Variants in EML6 observed in about 807,000 individuals in gnomAD.
The protein encoded by EML6 is EMAP like 6.
EML6 carries 154 observed loss-of-function variants against 240.1 expected under a neutral mutation model. The observed-to-expected ratio is 0.64, with a 90% confidence interval of 0.56 to 0.73. The LOEUF is 0.73. Ranked by LOEUF, EML6 falls within the 30% of genes least tolerant of loss-of-function variation. The pLI is 0.00. For synonymous variants in EML6, 1,148 were observed against 899.0 expected (o/e 1.28, Z -4.95); for missense variants, 2,964 against 2,474.6 (o/e 1.20, Z -4.20).
intron 28 of EML6, 124 bp downstream of exon 28, chr2:54,928,875 G>GGTGAAGACTCTGTGA: frequency 3.4e-6 from 4 of 1,173,020 alleles, no homozygotes; most frequent in Non-Finnish European, 4.9e-6. Context: ...AATCTTCACA[G>GGTGAAGACTCTGTGA]AGTCTTCACC....
At chr2:54,910,389 AT>A (rs1364957930) in intron 24 of EML6, among the ~76,000 whole-genome samples, 4 of 152,206 alleles carry the variant, frequency 2.6e-5, no homozygotes, top group Admixed American at 6.5e-5. Context: ...TTTGCCCAAC[AT>A]TTTCCTTGGG....
chr2:54,826,292 G>T (rs543509783), intron 5 of EML6, among the ~76,000 whole-genome samples: 1 of 152,214 alleles, frequency 6.6e-6, no homozygotes, highest in South Asian at 2.1e-4. Flanking sequence ...TATAACCTGA[G>T]GGGGGGCTAT....
At chr2:54,950,856 A>G in intron 30 of EML6, 77 bp downstream of exon 30, 1 of 1,427,928 alleles carries the variant, frequency 7.0e-7, no homozygotes, top group Admixed American at 2.3e-5. Context: ...AGATGCCCAA[A>G]AGCTTAAGCA....
At chr2:54,854,606 C>G (rs752896697) in intron 11 of EML6, among the ~76,000 whole-genome samples, 20 of 152,196 alleles carry the variant, frequency 1.3e-4, no homozygotes, top group Non-Finnish European at 2.9e-4. Context: ...AAAACTCTTT[C>G]ACTTGAACAA....
chr2:54,884,270 AG>A (rs1672000712), intron 17 of EML6, among the ~76,000 whole-genome samples: 1 of 152,180 alleles, frequency 6.6e-6, no homozygotes, highest in Admixed American at 6.5e-5. Flanking sequence ...CAAGGCACGT[AG>A]GAAGGGGCAC....
chr2:54,947,765 C>G (rs1470194516), intron 28 of EML6, among the ~76,000 whole-genome samples: 1 of 152,188 alleles, frequency 6.6e-6, no homozygotes, highest in Non-Finnish European at 1.5e-5. Flanking sequence ...TCTCCCTATT[C>G]TGTAGGCGCT....
intron 2 of EML6, among the ~76,000 whole-genome samples, chr2:54,747,757 C>T (rs1683980307): frequency 1.3e-5 from 2 of 151,938 alleles, no homozygotes; most frequent in Admixed American, 1.3e-4. Flanking sequence ...TGATTTCATC[C>T]CATGTTATTT....
At chr2:54,730,187 T>G (rs1223433452) in intron 2 of EML6, among the ~76,000 whole-genome samples, 1 of 152,006 alleles carries the variant, frequency 6.6e-6, no homozygotes, top group Non-Finnish European at 1.5e-5. Context: ...TATCCACAGC[T>G]TTGGAACAAT....
At chr2:54,881,614 A>G (rs971269819) in intron 17 of EML6, 1 of 143,594 alleles carries the variant, frequency 7.0e-6, no homozygotes, top group African/African-American at 2.7e-5. Flanking sequence ...TAGCCACTGC[A>G]CTCCAGCCTG....
At position 54,928,519 on chromosome 2, in the gene EML6, G is replaced by A; in HGVS notation, c.3877+5G>A. 1 of 1,544,044 alleles carries A rather than the reference G, an allele frequency of 6.5e-7. No individual in the cohort carries two copies. The highest frequency in any genetic ancestry group is 8.8e-7 in the Non-Finnish European group (1 of 1,141,998). Reference sequence around the variant, plus strand: ...CCGACGTGGAAGAGGATGGAGGTGAGCCCCCCACCTGCCACATGCCTCCTG... The same window carrying A: ...CCGACGTGGAAGAGGATGGAGGTGAACCCCCCACCTGCCACATGCCTCCTG... On this transcript the variant is annotated splice_donor_5th_base_variant and intron_variant, in intron 27 of 41. Coordinates refer to ENST00000356458, the MANE Select transcript of EML6 (RefSeq NM_001039753.4).
In EML6 at chr2:54,961,186, T is replaced by TGTTTTTTTTTGTTTG. The variant is rs796179489; in HGVS notation, c.4968+852_4968+853insGTTTTTTTTTGTTTG. On this transcript the variant is annotated intron_variant, in intron 35 of 41. Coordinates refer to ENST00000356458, the MANE Select transcript of EML6 (RefSeq NM_001039753.4). The stretch of plus-strand genomic sequence containing the variant: ...AGCCTGGAAGTTATCAGGAAGTAGT[T>TGTTTTTTTTTGTTTG]TTTTTTTTTTTTTTTTTGAGACGGA... Among the ~76,000 whole-genome samples, 3 of 93,166 alleles carry TGTTTTTTTTTGTTTG rather than the reference T, an allele frequency of 3.2e-5. 1 individual carries two copies. The highest frequency in any genetic ancestry group is 6.4e-5 in the Non-Finnish European group (3 of 46,948). The allele number at this position is 93,166 out of a possible 152,430, so 61.1% of individuals were successfully genotyped here.
At chr2:54,888,947 C>T (rs146855635) in intron 17 of EML6, among the ~76,000 whole-genome samples, 2 of 152,274 alleles carry the variant, frequency 1.3e-5, no homozygotes, top group East Asian at 1.9e-4. Flanking sequence ...AACTGTCTTT[C>T]AAAATAGCTG....
intron 21 of EML6, among the ~76,000 whole-genome samples, chr2:54,895,634 T>G (rs996701196): frequency 6.6e-6 from 1 of 152,228 alleles, no homozygotes; most frequent in Non-Finnish European, 1.5e-5. Context: ...ACAGCTTAAC[T>G]GGATCTTCTG....
chr2:54,741,040 C>G (rs981734956), intron 2 of EML6, among the ~76,000 whole-genome samples: 7 of 152,130 alleles, frequency 4.6e-5, no homozygotes, highest in Non-Finnish European at 1.0e-4. Flanking sequence ...TTAAGTTAAA[C>G]AAACGTGTTC....
At chr2:54,890,428 G>A (rs1429442864) in intron 17 of EML6, among the ~76,000 whole-genome samples, 1 of 152,064 alleles carries the variant, frequency 6.6e-6, no homozygotes, top group African/African-American at 2.4e-5. Flanking sequence ...TACAGCCCAG[G>A]TCTACAATGG....
intron 16 of EML6, among the ~76,000 whole-genome samples, chr2:54,874,236 T>C (rs1671394916): frequency 6.6e-6 from 1 of 152,226 alleles, no homozygotes; most frequent in South Asian, 2.1e-4. Context: ...ACATTTCTTC[T>C]GGGCTTATTA....
At chr2:54,813,157 G>C in intron 2 of EML6, 75 bp from the exon 3 acceptor site, 2 of 1,081,098 alleles carry the variant, frequency 1.8e-6, no homozygotes, top group Non-Finnish European at 2.7e-6. Context: ...ATTTAAATGA[G>C]AAACAGATTT....
At chr2:54,757,732 C>G (rs149433873) in intron 2 of EML6, among the ~76,000 whole-genome samples, 1 of 152,226 alleles carries the variant, frequency 6.6e-6, no homozygotes, top group African/African-American at 2.4e-5. Flanking sequence ...GGATATGTAT[C>G]TGCAAGGCCC....
At chr2:54,894,118 A>T (rs1573089845) in intron 19 of EML6, among the ~76,000 whole-genome samples, 1 of 152,108 alleles carries the variant, frequency 6.6e-6, no homozygotes, top group African/African-American at 2.4e-5. Context: ...ATACACTTGG[A>T]AATATTATTT....
Sources: allele counts gnomAD v4.1 joint callset (sites outside exome capture counted in the v4.1 genomes callset), GRCh38; gene constraint gnomAD v4.1.1; transcripts MANE v1.5; gene names NCBI Gene and HGNC (gene_info 2026-07-23, HGNC 2026-07-21).